SLAIN1: variants seen among roughly 807,000 people sequenced by gnomAD.
SLAIN1 encodes the protein SLAIN motif-containing protein 1.
SLAIN1 carries 17 observed loss-of-function variants against 55.4 expected under a neutral mutation model. That is an observed-to-expected ratio of 0.31 (90% CI 0.21 to 0.46). The LOEUF (loss-of-function observed/expected upper bound fraction) is 0.46. Ranked by LOEUF, SLAIN1 falls within the 20% of genes least tolerant of loss-of-function variation. SLAIN1 has a pLI of 1.00. For synonymous variants in SLAIN1, 348 were observed against 337.4 expected (o/e 1.03, Z -0.35); for missense variants, 682 against 785.1 (o/e 0.87, Z 1.57).
At chr13:77,725,695 G>A (rs150771696) in intron 2 of SLAIN1, among the ~76,000 whole-genome samples, 95 of 152,286 alleles carry the variant, frequency 6.2e-4, no homozygotes, top group African/African-American at 2.3e-3. Context: ...AATGTTTCTG[G>A]TGGGCAGAGC....
rs1555275270 is a variant in SLAIN1, at chr13:77,703,973, A to ATG, written c.626+5436_626+5437dup. Reference sequence around the variant, plus strand: ...TAAAATATATATACATATGTTTTATATGTATATATATACATAGAAAATATA... The same window carrying ATG: ...TAAAATATATATACATATGTTTTATATGTGTATATATATACATAGAAAATATA... On this transcript the variant is annotated intron_variant, in intron 1 of 6. Coordinates refer to ENST00000418532, the MANE Select transcript of SLAIN1 (RefSeq NM_001242868.2). Among the ~76,000 whole-genome samples, 4 of 1,004 alleles carry ATG rather than the reference A, an allele frequency of 4.0e-3. 1 individual carries two copies. Among genetic ancestry groups the ATG allele is most frequent in the Non-Finnish European group, 7.1e-3 (4 of 566 alleles). The allele number at this position is 1,004 out of a possible 152,430, so 0.7% of individuals were successfully genotyped here. A position where few individuals can be genotyped will look rare whatever the true frequency, so the allele number is the denominator to read the frequency against.
intron 2 of SLAIN1, among the ~76,000 whole-genome samples, chr13:77,738,247 C>G (rs1434084396): frequency 6.6e-6 from 1 of 151,388 alleles, no homozygotes; most frequent in Non-Finnish European, 1.5e-5. Context: ...CATATATATA[C>G]ACATATATAC....
At chr13:77,741,213 CA>C in intron 2 of SLAIN1, 1 of 985,826 alleles carries the variant, frequency 1.0e-6, no homozygotes, top group Non-Finnish European at 1.2e-6. Context: ...ATCTGTTAGG[CA>C]AGATAGCAGT....
At chr13:77,739,265 A>C (rs1419624008) in intron 2 of SLAIN1, among the ~76,000 whole-genome samples, 6 of 152,082 alleles carry the variant, frequency 3.9e-5, no homozygotes, top group Non-Finnish European at 4.4e-5. Flanking sequence ...AATTATACTT[A>C]AGTTTAAAAA....
chr13:77,755,309 T>A (rs922887483), intron 5 of SLAIN1, among the ~76,000 whole-genome samples: 3 of 150,686 alleles, frequency 2.0e-5, no homozygotes, highest in Non-Finnish European at 3.0e-5. Context: ...ATAGATAGAA[T>A]GAGACCCTGT....
chr13:77,727,448 AC>A (rs141624926), intron 2 of SLAIN1, among the ~76,000 whole-genome samples: 8,171 of 149,690 alleles, frequency 0.055, 269 homozygotes, highest in African/African-American at 0.11. Context: ...AAAAAAAAAA[AC>A]AAAACAATTT....
chr13:77,752,139 A>G (rs1874260004), intron 4 of SLAIN1, among the ~76,000 whole-genome samples: 1 of 152,122 alleles, frequency 6.6e-6, no homozygotes, highest in Non-Finnish European at 1.5e-5. Context: ...GTACTCATGA[A>G]AGTTAAAACT....
At chr13:77,707,536 T>C (rs2091102703) in intron 1 of SLAIN1, among the ~76,000 whole-genome samples, 1 of 152,192 alleles carries the variant, frequency 6.6e-6, no homozygotes, top group Admixed American at 6.6e-5. Flanking sequence ...ACTGGTTGTC[T>C]GTTCATACCC....
chr13:77,755,396 G>T (rs545969319), intron 5 of SLAIN1, among the ~76,000 whole-genome samples: 1 of 152,066 alleles, frequency 6.6e-6, no homozygotes, highest in Non-Finnish European at 1.5e-5. Context: ...AGCAAATATA[G>T]TAACAATTAG....
intron 2 of SLAIN1, among the ~76,000 whole-genome samples, chr13:77,719,951 C>A (rs1294650521): frequency 1.3e-5 from 2 of 151,106 alleles, no homozygotes; most frequent in African/African-American, 2.4e-5. Context: ...TGCAAATATA[C>A]CAGTCAAAAA....
At chr13:77,752,773 C>T (rs1874324398) in intron 4 of SLAIN1, among the ~76,000 whole-genome samples, 1 of 152,232 alleles carries the variant, frequency 6.6e-6, no homozygotes, top group South Asian at 2.1e-4. Context: ...GGGTAGGAAG[C>T]ATCCAGCACA....
At chr13:77,701,029 G>T (rs1277414380) in intron 1 of SLAIN1, among the ~76,000 whole-genome samples, 1 of 151,866 alleles carries the variant, frequency 6.6e-6, no homozygotes, top group African/African-American at 2.4e-5. Context: ...TTTAACACTT[G>T]CCTTTCATTG....
intron 2 of SLAIN1, among the ~76,000 whole-genome samples, chr13:77,735,539 G>C (rs930420530): frequency 6.6e-6 from 1 of 151,956 alleles, no homozygotes; most frequent in Non-Finnish European, 1.5e-5. Flanking sequence ...CATTTAAAAT[G>C]TAAAATGTTA....
At position 77,719,712 on chromosome 13, in the gene SLAIN1, C is replaced by G. The variant is rs201844290; in HGVS notation, c.766+41C>G. ...TGCATTTACATTCTCCAACTCTTGT[C>G]ACTCTCAGTGCTGCTTTTGTTGCTG... On this transcript the variant is annotated intron_variant, in intron 2 of 6. Coordinates refer to ENST00000418532, the MANE Select transcript of SLAIN1 (RefSeq NM_001242868.2). 3.1e-6 allele frequency: 5 copies of G among 1,601,266 alleles called. No individual in the cohort carries two copies. In the East Asian group the frequency reaches 1.1e-4, roughly 36 times the overall value.
chr13:77,719,737 G>A, intron 2 of SLAIN1, 66 bp downstream of exon 2: 1 of 1,546,342 alleles, frequency 6.5e-7, no homozygotes, highest in Non-Finnish European at 8.8e-7. Flanking sequence ...TTTTGTTGCT[G>A]GTTTTGGAAT....
chr13:77,712,811 A>G (rs1451250978), intron 1 of SLAIN1, among the ~76,000 whole-genome samples: 2 of 152,230 alleles, frequency 1.3e-5, no homozygotes, highest in Admixed American at 6.5e-5. Context: ...TTCAAACTCT[A>G]CTACAAAGCT....
Position 77,761,098 on chromosome 13 carries a change from A to C in SLAIN1, c.1685A>C (p.Gln562Pro), listed in dbSNP as rs1299536270. The C allele has an allele frequency of 1.9e-6, 3 of 1,614,116 alleles. No individual in the cohort carries two copies. Among genetic ancestry groups the C allele is most frequent in the East Asian group, 4.5e-5 (2 of 44,894 alleles). The part of the protein sequence containing the change: ...GSNLPRSKIA[Q>P]PVRSFLQPPK... The stretch of plus-strand genomic sequence containing the variant: ...AACCTGCCTCGAAGCAAAATTGCAC[A>C]ACCTGTTAGAAGGTAAGAATGTGTA... Residue 562 changes from glutamine (Q) to proline (P), a missense_variant, in exon 6 of 7, where the codon CAA becomes CCA. Physicochemically the swap from Gln to Pro is moderately conservative, Grantham distance 76. This residue lies in a region of SLAIN1 where 244 missense variants were observed against 295.2 expected (regional missense o/e 0.83). Transcript: ENST00000418532.
chr13:77,710,441 C>A (rs536901820), intron 1 of SLAIN1, among the ~76,000 whole-genome samples: 1 of 152,028 alleles, frequency 6.6e-6, no homozygotes, highest in African/African-American at 2.4e-5. Context: ...GGGTTGCAAT[C>A]CTAGTCTCTG....
intron 1 of SLAIN1, among the ~76,000 whole-genome samples, chr13:77,713,376 A>G (rs1228065708): frequency 1.3e-5 from 2 of 152,218 alleles, no homozygotes; most frequent in Non-Finnish European, 2.9e-5. Flanking sequence ...ATGAACAGAC[A>G]CTTCTCAACA....
Sources: allele counts gnomAD v4.1 joint callset (sites outside exome capture counted in the v4.1 genomes callset), GRCh38; gene constraint gnomAD v4.1.1; regional missense constraint gnomAD v4.1.1; transcripts MANE v1.5; gene names NCBI Gene and HGNC (gene_info 2026-07-23, HGNC 2026-07-21).